ME3: variants seen among roughly 807,000 people sequenced by gnomAD.
ME3 encodes the protein malic enzyme 3.
ME3 carries 48 observed loss-of-function variants against 68.9 expected under a neutral mutation model. The observed-to-expected ratio is 0.70, with a 90% confidence interval of 0.55 to 0.89. ME3 has a LOEUF of 0.89. Among genes scored for constraint, ME3 ranks in the 40% least tolerant of loss-of-function variants. ME3 has a pLI of 0.00. For synonymous variants in ME3, 320 were observed against 318.8 expected (o/e 1.00, Z -0.04); for missense variants, 675 against 797.4 (o/e 0.85, Z 1.85).
rs938703525 is a variant in ME3 at position 86,518,235 on chromosome 11, G to A, written c.468-9368C>T. 3.3e-5 allele frequency among the ~76,000 whole-genome samples: 5 copies of A among 152,186 alleles called. No homozygotes were observed. The East Asian group carries it at 9.6e-4, about 29-fold the overall frequency. ...AACACTTGGAGAAATTGTAGTTTCA[G>A]AAAGGGAGAGCTGACCTGTCTTTTC... On this transcript the variant is annotated intron_variant, in intron 4 of 14. Coordinates refer to ENST00000543262, the Ensembl canonical transcript of ME3.
At chr11:86,652,807 A>T (rs960315399) in intron 2 of ME3, among the ~76,000 whole-genome samples, 1 of 152,196 alleles carries the variant, frequency 6.6e-6, no homozygotes, top group Non-Finnish European at 1.5e-5. Context: ...GGCAAATTGC[A>T]TAAAGAGTCA....
At chr11:86,482,969 T>C (rs1951497702) in intron 7 of ME3, among the ~76,000 whole-genome samples, 1 of 152,052 alleles carries the variant, frequency 6.6e-6, no homozygotes. Flanking sequence ...TTTAGGATGG[T>C]TTTTTAACAC....
intron 4 of ME3, among the ~76,000 whole-genome samples, chr11:86,545,954 A>T: frequency 6.6e-6 from 1 of 152,240 alleles, no homozygotes; most frequent in East Asian, 1.9e-4. Flanking sequence ...TGGTACTGGT[A>T]CTAAAACAGA....
chr11:86,665,023 C>T (rs1946505207), intron 2 of ME3, among the ~76,000 whole-genome samples: 2 of 152,074 alleles, frequency 1.3e-5, no homozygotes, highest in African/African-American at 4.8e-5. Context: ...ATGAGAGTCA[C>T]CAGGGTGAAA....
At chr11:86,635,065 G>A (rs1944249605) in intron 2 of ME3, among the ~76,000 whole-genome samples, 1 of 152,294 alleles carries the variant, frequency 6.6e-6, no homozygotes, top group South Asian at 2.1e-4. Flanking sequence ...AGAACTTTGG[G>A]AGGCCAAGGC....
At position 86,521,427 on chromosome 11, in the gene ME3, AC is replaced by A. The variant is rs200346941; in HGVS notation, c.468-12561del. Among the ~76,000 whole-genome samples the A allele has an allele frequency of 6.0e-3, 814 of 134,790 alleles. 12 individuals carry two copies. Among genetic ancestry groups the A allele is most frequent in the African/African-American group, 9.4e-3 (334 of 35,432 alleles). 88.4% of individuals were successfully genotyped at this position (134,790 alleles called of 152,430 possible). A position where few individuals can be genotyped will look rare whatever the true frequency, so the allele number is the denominator to read the frequency against. On this transcript the variant is annotated intron_variant, in intron 4 of 14. Coordinates refer to ENST00000543262, the Ensembl canonical transcript of ME3. ...AACAAACAAAACAAAACAAAACAAA[AC>A]AAAAATAATAATAATAATAATAATA...
At chr11:86,502,678 A>G (rs542475147) in intron 5 of ME3, among the ~76,000 whole-genome samples, 1 of 152,344 alleles carries the variant, frequency 6.6e-6, no homozygotes, top group East Asian at 1.9e-4. Flanking sequence ...TTTAAAGCCA[A>G]GCAAACTTTT....
In ME3 at chr11:86,497,856, GAAAT is replaced by G. The variant is rs977086916; in HGVS notation, c.705+103_705+106del. ...CCCTGGTCGGGAGGATGCCAAGAAAGAAATGGCCCATTGCTGTGTAGATATAACC... is the reference window on the plus strand; with the variant it reads ...CCCTGGTCGGGAGGATGCCAAGAAAGGGCCCATTGCTGTGTAGATATAACC... On this transcript the variant is annotated intron_variant, in intron 6 of 14. Coordinates refer to ENST00000543262, the Ensembl canonical transcript of ME3. 8.7e-6 allele frequency: 11 copies of G among 1,262,340 alleles called. 1 individual carries two copies. In the African/African-American group the frequency reaches 1.7e-4, roughly 19 times the overall value. 78.2% of individuals were successfully genotyped at this position (1,262,340 alleles called of 1,614,324 possible). A position where few individuals can be genotyped will look rare whatever the true frequency, so the allele number is the denominator to read the frequency against.
intron 10 of ME3, 45 bp from the exon 11 acceptor site, chr11:86,448,300 T>C: frequency 7.0e-7 from 1 of 1,427,706 alleles, no homozygotes; most frequent in African/African-American, 1.4e-5. Flanking sequence ...TGATGGCCTG[T>C]TGGGTAGGAG....
intron 8 of ME3, among the ~76,000 whole-genome samples, chr11:86,453,859 C>T (rs1831718795): frequency 1.3e-5 from 2 of 152,194 alleles, no homozygotes; most frequent in South Asian, 4.1e-4. Context: ...CTCAGTGACA[C>T]CAACGCCACT....
intron 4 of ME3, 59 bp downstream of exon 4, chr11:86,556,494 G>T (rs1247577931): frequency 3.8e-6 from 6 of 1,558,800 alleles, no homozygotes; most frequent in Admixed American, 3.8e-5. Flanking sequence ...AGGGCGGAAA[G>T]AATTTATTCC....
intron 12 of ME3, chr11:86,446,800 G>C: frequency 1.7e-6 from 1 of 593,426 alleles, no homozygotes; most frequent in Non-Finnish European, 2.9e-6. Flanking sequence ...CTCAGGTTTT[G>C]GGTGCTGGTC....
intron 7 of ME3, among the ~76,000 whole-genome samples, chr11:86,468,117 C>G (rs1324037879): frequency 6.6e-6 from 1 of 152,178 alleles, no homozygotes; most frequent in African/African-American, 2.4e-5. Context: ...GCCTTTCCTT[C>G]TATGTCTCTT....
intron 2 of ME3, among the ~76,000 whole-genome samples, chr11:86,604,469 C>T (rs1024101816): frequency 1.3e-5 from 2 of 152,050 alleles, no homozygotes; most frequent in Non-Finnish European, 2.9e-5. Flanking sequence ...AAAAAGATTC[C>T]CTCCATCCAT....
At chr11:86,480,942 C>T (rs1951368886) in intron 7 of ME3, among the ~76,000 whole-genome samples, 1 of 152,150 alleles carries the variant, frequency 6.6e-6, no homozygotes, top group African/African-American at 2.4e-5. Flanking sequence ...GTGTATTGGT[C>T]CTTACACCCT....
chr11:86,647,929 C>T (rs1182120126), intron 2 of ME3, among the ~76,000 whole-genome samples: 1 of 152,200 alleles, frequency 6.6e-6, no homozygotes, highest in Non-Finnish European at 1.5e-5. Flanking sequence ...CTACAGAACT[C>T]TCCACCCCAA....
intron 7 of ME3, 84 bp downstream of exon 7, chr11:86,487,253 G>GTA (rs1286260842): frequency 3.5e-6 from 4 of 1,142,772 alleles, no homozygotes; most frequent in Non-Finnish European, 5.2e-6. Context: ...CCTTTACTTT[G>GTA]TATATCAGCC....
At chr11:86,501,496 C>T (rs1952720461) in intron 5 of ME3, among the ~76,000 whole-genome samples, 1 of 152,172 alleles carries the variant, frequency 6.6e-6, no homozygotes, top group African/African-American at 2.4e-5. Context: ...AGCTTAATGG[C>T]TTTAACCTTG....
chr11:86,556,235 G>C (rs1036389999), intron 4 of ME3, among the ~76,000 whole-genome samples: 2 of 152,196 alleles, frequency 1.3e-5, no homozygotes, highest in East Asian at 1.9e-4. Context: ...GTGACCAGAG[G>C]GGGTGAGAGA....
Sources: allele counts gnomAD v4.1 joint callset (sites outside exome capture counted in the v4.1 genomes callset), GRCh38; gene constraint gnomAD v4.1.1; transcripts MANE v1.5; gene names NCBI Gene and HGNC (gene_info 2026-07-23, HGNC 2026-07-21).